Variants in TDRD5 observed in about 807,000 individuals in gnomAD.
The protein encoded by TDRD5 is tudor domain-containing protein 5.
A neutral mutation model predicts 120.6 loss-of-function variants in TDRD5; 41 were observed. The observed-to-expected ratio is 0.34, with a 90% CI of 0.26 to 0.44. The LOEUF (loss-of-function observed/expected upper bound fraction) is 0.44. Among genes scored for constraint, TDRD5 ranks in the 20% least tolerant of loss-of-function variants. The pLI, the probability that TDRD5 is intolerant of heterozygous loss-of-function variation, is 1.00. For synonymous variants in TDRD5, 430 were observed against 433.7 expected (o/e 0.99, Z 0.11); for missense variants, 1,006 against 1,221.2 (o/e 0.82, Z 2.63).
chr1:179,628,324 CTTTTTTTTTTTTTT>C (rs71569258), intron 6 of TDRD5, among the ~76,000 whole-genome samples: 1 of 54,632 alleles, frequency 1.8e-5, no homozygotes, highest in Non-Finnish European at 3.4e-5. Flanking sequence ...CTTTTCTTTT[CTTTTTTTTTTTTTT>C]TTTTTTTTTT....
In TDRD5 at chr1:179,593,565, C is replaced by G. The variant is rs756319338; in HGVS notation, c.338C>G (p.Ser113Cys). 1 of 1,614,228 alleles carries G rather than the reference C, an allele frequency of 6.2e-7. No individual in the cohort carries two copies. Among genetic ancestry groups the G allele is most frequent in the South Asian group, 1.1e-5 (1 of 91,086 alleles). ...CATAAGGGAAGACCTAGTATTTATTCTGGACCGAGATCTCATCGGCGAGTA... is the reference window on the plus strand; with the variant it reads ...CATAAGGGAAGACCTAGTATTTATTGTGGACCGAGATCTCATCGGCGAGTA... ...SMHKGRPSIY[S>C]GPRSHRRVPY... The change falls in exon 3 of 18, where the codon TCT (serine) becomes TGT (cysteine). Residue 113 changes from serine (S) to cysteine (C), a missense_variant. Transcript: ENST00000444136.
intron 14 of TDRD5, among the ~76,000 whole-genome samples, chr1:179,657,918 G>A (rs1679094088): frequency 6.6e-6 from 1 of 152,026 alleles, no homozygotes; most frequent in Non-Finnish European, 1.5e-5. Flanking sequence ...ACTATTAACT[G>A]TAGTTACCAA....
intron 6 of TDRD5, among the ~76,000 whole-genome samples, chr1:179,626,077 G>T (rs377261980): frequency 2.0e-5 from 3 of 151,690 alleles, no homozygotes; most frequent in Admixed American, 6.6e-5. Flanking sequence ...GGTGGGGCAG[G>T]GGGGAGGGAT....
At chr1:179,611,900 AG>A (rs1676298763) in intron 4 of TDRD5, among the ~76,000 whole-genome samples, 1 of 152,140 alleles carries the variant, frequency 6.6e-6, no homozygotes, top group South Asian at 2.1e-4. Flanking sequence ...TTGTTCTGAG[AG>A]GGGGTGTGGG....
At chr1:179,686,271 A>G (rs1680706979) in intron 17 of TDRD5, among the ~76,000 whole-genome samples, 1 of 152,154 alleles carries the variant, frequency 6.6e-6, no homozygotes, top group Non-Finnish European at 1.5e-5. Flanking sequence ...GAATTTTGTC[A>G]AAGGCCTTTT....
intron 2 of TDRD5, among the ~76,000 whole-genome samples, chr1:179,593,175 C>T (rs1008611619): frequency 4.6e-5 from 7 of 152,282 alleles, no homozygotes; most frequent in Middle Eastern, 3.4e-3. Flanking sequence ...CAAGAAAAAA[C>T]TATTGTAGGG....
intron 6 of TDRD5, among the ~76,000 whole-genome samples, chr1:179,628,324 CTTTTTTTTTTTT>C (rs71569258): frequency 1.8e-5 from 1 of 54,632 alleles, no homozygotes; most frequent in South Asian, 7.2e-4. Flanking sequence ...CTTTTCTTTT[CTTTTTTTTTTTT>C]TTTTTTTTTT....
At chr1:179,619,148 G>A (rs1676713526) in intron 5 of TDRD5, among the ~76,000 whole-genome samples, 1 of 152,144 alleles carries the variant, frequency 6.6e-6, no homozygotes, top group African/African-American at 2.4e-5. Flanking sequence ...GGAATTGCTA[G>A]TCAGAGGCAT....
intron 4 of TDRD5, among the ~76,000 whole-genome samples, chr1:179,617,117 T>C (rs983578289): frequency 2.0e-5 from 3 of 152,148 alleles, no homozygotes; most frequent in African/African-American, 7.2e-5. Flanking sequence ...GCTAACGATA[T>C]AATCATAGGT....
chr1:179,630,042 C>T (rs371709837), intron 6 of TDRD5, among the ~76,000 whole-genome samples: 3 of 148,770 alleles, frequency 2.0e-5, no homozygotes, highest in African/African-American at 5.0e-5. Flanking sequence ...TGCAGTGGTG[C>T]GATCTTGGCT....
chr1:179,631,913 T>C (rs1433185671), intron 7 of TDRD5, among the ~76,000 whole-genome samples: 1 of 140,428 alleles, frequency 7.1e-6, no homozygotes, highest in African/African-American at 2.6e-5. Context: ...TTTTCTTTTC[T>C]TTTTTTTTTT....
At chr1:179,681,938 CTT>C (rs796836225) in intron 17 of TDRD5, among the ~76,000 whole-genome samples, 1,203 of 14,168 alleles carry the variant, frequency 0.085, 232 homozygotes, top group Admixed American at 0.17. Flanking sequence ...TTTTCTTTTT[CTT>C]TTTTTTTTTT....
intron 14 of TDRD5, among the ~76,000 whole-genome samples, chr1:179,661,061 T>C (rs1230574547): frequency 6.6e-6 from 1 of 152,222 alleles, no homozygotes; most frequent in Non-Finnish European, 1.5e-5. Flanking sequence ...AAATTGTTCT[T>C]CCTTTATAAG....
At chr1:179,638,158 T>TGG (rs1185876680) in intron 9 of TDRD5, among the ~76,000 whole-genome samples, 2 of 132,300 alleles carry the variant, frequency 1.5e-5, no homozygotes, top group African/African-American at 2.7e-5. Context: ...CATGGGAAGA[T>TGG]GTTTTCTCTT....
At chr1:179,674,132 AGG>A (rs1558423289) in intron 17 of TDRD5, among the ~76,000 whole-genome samples, 3 of 152,144 alleles carry the variant, frequency 2.0e-5, no homozygotes, top group South Asian at 2.1e-4. Context: ...TCCATTTCTC[AGG>A]GGGAATGCTT....
intron 4 of TDRD5, among the ~76,000 whole-genome samples, chr1:179,604,776 G>T (rs1299406730): frequency 6.6e-6 from 1 of 152,064 alleles, no homozygotes; most frequent in African/African-American, 2.4e-5. Flanking sequence ...ATGTATTGAG[G>T]CTCGTTTTAT....
chr1:179,649,967 G>A (rs1678620131), intron 11 of TDRD5, among the ~76,000 whole-genome samples: 1 of 152,066 alleles, frequency 6.6e-6, no homozygotes, highest in Non-Finnish European at 1.5e-5. Context: ...TGAAAACTGA[G>A]CTGCAAATCT....
intron 11 of TDRD5, 47 bp downstream of exon 11, chr1:179,640,492 AT>A (rs1558399217): frequency 5.8e-6 from 9 of 1,562,836 alleles, no homozygotes; most frequent in Non-Finnish European, 7.9e-6. Flanking sequence ...TTGAGTGCCT[AT>A]TATGTGCCAA....
chr1:179,607,183 T>G (rs948064254), intron 4 of TDRD5, among the ~76,000 whole-genome samples: 2 of 152,148 alleles, frequency 1.3e-5, no homozygotes, highest in African/African-American at 2.4e-5. Flanking sequence ...GTATTATATT[T>G]GGGGGAGTGC....
Sources: gnomAD v4.1 joint callset for allele counts (sites outside exome capture counted in the v4.1 genomes callset) on GRCh38, gnomAD v4.1.1 for gene constraint, MANE v1.5 for transcripts, NCBI Gene and HGNC (gene_info 2026-07-23, HGNC 2026-07-21) for gene names.